The following AKAP17A variants were observed in gnomAD, a reference collection of about 807,000 sequenced individuals.
The protein encoded by AKAP17A is A-kinase anchor protein 17A.
In AKAP17A, 15 loss-of-function variants were observed where a neutral mutation model predicts 52.2. The observed-to-expected ratio is 0.29, with a 90% CI of 0.19 to 0.44. The LOEUF is 0.44. AKAP17A is among the 20% of genes least tolerant of loss of function. The probability of loss-of-function intolerance (pLI) is 1.00; values close to 1 mark genes in which losing one functional copy is unlikely to be tolerated. For missense variants in AKAP17A, 1,060 were observed against 1,007.0 expected, an observed-to-expected ratio of 1.05 and a Z score of -0.71; for synonymous variants, 514 against 424.7, an observed-to-expected ratio of 1.21 and a Z score of -2.58.
Position 1,600,908 on chromosome X carries a change from C to A in AKAP17A, c.1402C>A (p.Leu468Met). Reference protein sequence around the residue: ...VAHADLLQPVLDILQTVSSGC... With the variant: ...VAHADLLQPVMDILQTVSSGC... ...ACACGCCGACCTGCTGCAGCCCGTC[C>A]TGGACATCCTGCAGACCGTGTCGTC... is the stretch of plus-strand genomic sequence containing the variant. The change falls in exon 5 of 5, where the codon CTG (leucine) becomes ATG (methionine). Residue 468 changes from leucine (L) to methionine (M), a missense_variant. Leu to Met is a conservative substitution (Grantham distance 15). Around this residue, in one of 2 missense-constraint regions of AKAP17A, gnomAD observed 793 missense variants for 629.9 expected, o/e 1.26. Transcript: ENST00000313871. 3.2e-6 allele frequency: 5 copies of A among 1,576,146 alleles called. No homozygotes were observed. Among genetic ancestry groups the A allele is most frequent in the Non-Finnish European group, 4.3e-6 (5 of 1,164,794 alleles).
rs746413709 is a variant in AKAP17A, at chrX:1,599,252, G to C, written c.972G>C (p.Lys324Asn). Residue 324 changes from lysine (K) to asparagine (N), a missense_variant, in exon 4 of 5, where the codon AAG (lysine) becomes AAC (asparagine). Coordinates refer to ENST00000313871, the MANE Select transcript of AKAP17A (RefSeq NM_005088.3). The part of the protein sequence containing the change: ...RERKREEKLR[K>N]REQKQRDREL... ...GGAAAAGAGAAGAGAAGCTTCGCAAGAGGGAGCAGAAGCAGAGGGACCGTG... is the reference window on the plus strand; with the variant it reads ...GGAAAAGAGAAGAGAAGCTTCGCAACAGGGAGCAGAAGCAGAGGGACCGTG... 1.9e-6 allele frequency: 3 copies of C among 1,612,762 alleles called. No individual in the cohort carries two copies. The highest frequency in any genetic ancestry group is 2.0e-4 in the Middle Eastern group (1 of 5,090).
At chrX:1,597,305 G>A (rs745497187) in intron 3 of AKAP17A, among the ~76,000 whole-genome samples, 1 of 152,322 alleles carries the variant, frequency 6.6e-6, no homozygotes, top group East Asian at 1.9e-4. Context: ...AGGTGAGGCA[G>A]GTGCAGTGTG....
intron 3 of AKAP17A, among the ~76,000 whole-genome samples, chrX:1,598,147 C>CTG (rs1256310297): frequency 1.3e-5 from 2 of 152,228 alleles, no homozygotes; most frequent in Non-Finnish European, 2.9e-5. Flanking sequence ...TAAGGGCGTG[C>CTG]TGTGTGCTGG....
At chrX:1,598,903 G>C (rs1188399958) in intron 3 of AKAP17A, among the ~76,000 whole-genome samples, 9 of 152,182 alleles carry the variant, frequency 5.9e-5, no homozygotes, top group Non-Finnish European at 1.3e-4. Context: ...CCCTGACTGG[G>C]GGCGTGGCTT....
chrX:1,599,384 G>C lies in AKAP17A; in HGVS notation c.1104G>C (p.Arg368Ser). ...AGCGCAAGCTGCTGCTGGCCCAGAG[G>C]AACCTGCAGTCCATCCGGCTCATCG... ...LEERKLLLAQ[R>S]NLQSIRLIAE... Residue 368 changes from arginine (R) to serine (S), a missense_variant, in exon 4 of 5, where the codon AGG becomes AGC. Arg to Ser is a moderately radical substitution (Grantham distance 110, BLOSUM62 -1). Around this residue, in one of 2 missense-constraint regions of AKAP17A, gnomAD observed 793 missense variants for 629.9 expected, o/e 1.26. Coordinates refer to ENST00000313871, the MANE Select transcript of AKAP17A (RefSeq NM_005088.3). The C allele has an allele frequency of 2.5e-6, 4 of 1,580,798 alleles. No individual in the cohort carries two copies. The highest frequency in any genetic ancestry group is 3.4e-6 in the Non-Finnish European group (4 of 1,164,658).
At chrX:1,599,949 T>TC (rs1933264538) in intron 4 of AKAP17A, 1 of 481,096 alleles carries the variant, frequency 2.1e-6, no homozygotes, top group African/African-American at 2.0e-5. Flanking sequence ...GACGACCCCC[T>TC]CAGCACCAAG....
In AKAP17A at chrX:1,600,985, C is replaced by T. The variant is rs761681766; in HGVS notation, c.1479C>T (p.Ala493=). The T allele has an allele frequency of 4.5e-5, 72 of 1,598,702 alleles. No individual in the cohort carries two copies. Among genetic ancestry groups the T allele is most frequent in the Middle Eastern group, 2.1e-4 (1 of 4,854 alleles). ...ACCCCCTCGGGGGCCAGCCCCCGGC[C>T]GGTGCCCCCAAGGAGAGCCCGGCCC... ...TLHPLGGQPP[A]GAPKESPAHP... is the part of the protein sequence containing the mutation. The change falls in exon 5 of 5, where the codon GCC becomes GCT. Residue 493 remains alanine, a synonymous_variant. Coordinates refer to ENST00000313871, the MANE Select transcript of AKAP17A (RefSeq NM_005088.3).
At chrX:1,594,521 C>G (rs368322131) in intron 2 of AKAP17A, among the ~76,000 whole-genome samples, 30 of 152,294 alleles carry the variant, frequency 2.0e-4, no homozygotes, top group African/African-American at 6.5e-4. Context: ...TGAACCGTGT[C>G]AGAACCAAGA....
At position 1,601,706 on chromosome X, in the gene AKAP17A, G is replaced by T; in HGVS notation, c.*112G>T. 5 of 1,071,300 alleles carry T rather than the reference G, an allele frequency of 4.7e-6. No individual in the cohort carries two copies. The highest frequency in any genetic ancestry group is 4.9e-6 in the Non-Finnish European group (4 of 817,362). The allele number at this position is 1,071,300 out of a possible 1,614,324, so 66.4% of individuals were successfully genotyped here. Reference sequence around the variant, plus strand: ...ACCCCTGCAAAGCCAAGACCCTTCTGCAGCCACGAATGTCCACGGAGCCCG... The same window carrying T: ...ACCCCTGCAAAGCCAAGACCCTTCTTCAGCCACGAATGTCCACGGAGCCCG... On this transcript the variant is annotated 3_prime_UTR_variant, in exon 5 of 5. Transcript: ENST00000313871.
chrX:1,594,061 C>T lies in AKAP17A; in HGVS notation c.599C>T (p.Thr200Met), dbSNP rs762688186. The T allele has an allele frequency of 2.8e-5, 45 of 1,612,844 alleles. No individual in the cohort carries two copies. The highest frequency in any genetic ancestry group is 6.7e-5 in the Admixed American group (4 of 59,846). ...PMLDPYREEMTGRNFHTFSFG... is the reference protein window; with the variant it reads ...PMLDPYREEMMGRNFHTFSFG... ...CTGGACCCCTACCGGGAGGAGATGA[C>T]GGGCCGCAACTTCCACACCTTCAGT... is the stretch of plus-strand genomic sequence containing the variant. The change falls in exon 2 of 5, where the codon ACG becomes ATG. Residue 200 changes from threonine (T) to methionine (M), a missense_variant. Thr to Met is a moderately conservative substitution (Grantham distance 81). Around this residue, in one of 2 missense-constraint regions of AKAP17A, gnomAD observed 267 missense variants for 377.1 expected, o/e 0.71. Coordinates refer to ENST00000313871, the MANE Select transcript of AKAP17A (RefSeq NM_005088.3).
At chrX:1,598,742 G>C (rs1399790251) in intron 3 of AKAP17A, among the ~76,000 whole-genome samples, 56 of 152,302 alleles carry the variant, frequency 3.7e-4, no homozygotes, top group Non-Finnish European at 7.5e-4. Context: ...GTGCTGTGTG[G>C]TGCCCTCACA....
rs772465896 is a variant in AKAP17A at position 1,600,686 on chromosome X, A to G, written c.1180A>G (p.Lys394Glu). ...KAVKLREQEQ[K>E]EEKLRLQQQE... ...TGTGAAGCTACGGGAACAGGAGCAGAAGGAGGAGAAGCTGAGGCTCCAGCA... is the reference window on the plus strand; with the variant it reads ...TGTGAAGCTACGGGAACAGGAGCAGGAGGAGGAGAAGCTGAGGCTCCAGCA... The change falls in exon 5 of 5, where the codon AAG (lysine) becomes GAG (glutamate). Residue 394 changes from lysine (K) to glutamate (E), a missense_variant. By Grantham distance (56) the Lys-to-Glu change is moderately conservative (BLOSUM62 1). Coordinates refer to ENST00000313871, the MANE Select transcript of AKAP17A (RefSeq NM_005088.3). 14 of 1,544,452 alleles carry G rather than the reference A, an allele frequency of 9.1e-6. No individual in the cohort carries two copies. Among genetic ancestry groups the G allele is most frequent in the East Asian group, 2.4e-5 (1 of 40,944 alleles).
chrX:1,595,576 C>A lies in AKAP17A; in HGVS notation c.911+44C>A, dbSNP rs754655103. The A allele has an allele frequency of 4.3e-6, 7 of 1,611,912 alleles. No homozygotes were observed. The East Asian group carries it at 1.3e-4, about 31-fold the overall frequency. ...GGCCCTCGGCGCTGGTGTCCGGCACCTGGGAGTGTGCGCAGACCCGTGTGC... is the reference window on the plus strand; with the variant it reads ...GGCCCTCGGCGCTGGTGTCCGGCACATGGGAGTGTGCGCAGACCCGTGTGC... On this transcript the variant is annotated intron_variant, in intron 3 of 4. Transcript: ENST00000313871.
At chrX:1,599,136 G>C (rs1350239172) in intron 3 of AKAP17A, 56 bp from the exon 4 acceptor site, 2 of 1,592,662 alleles carry the variant, frequency 1.3e-6, no homozygotes, top group Non-Finnish European at 1.7e-6. Flanking sequence ...CTTGTATGGT[G>C]TGTGGTGTGT....
rs758127385 is a variant in AKAP17A at position 1,595,455 on chromosome X, T to G, written c.834T>G (p.Leu278=). 12 of 1,613,844 alleles carry G rather than the reference T, an allele frequency of 7.4e-6. No individual in the cohort carries two copies. In the Admixed American group the frequency reaches 1.8e-4, roughly 25 times the overall value. Residue 278 remains leucine (L), a synonymous_variant, in exon 3 of 5, where the codon CTT becomes CTG. Transcript: ENST00000313871. ...IKKRQLERQK[L]QELEQQREEQ... The stretch of plus-strand genomic sequence containing the variant: ...AGCGGCAGCTGGAGAGGCAGAAGCT[T>G]CAGGAACTGGAGCAGCAAAGAGAAG...
Position 1,600,340 on chromosome X carries a change from G to C in AKAP17A, c.1153-319G>C, listed in dbSNP as rs748202275. 1.0e-5 allele frequency: 7 copies of C among 689,706 alleles called. No individual in the cohort carries two copies. The South Asian group carries it at 1.0e-4, about 10-fold the overall frequency. The allele number at this position is 689,706 out of a possible 1,614,324, so 42.7% of individuals were successfully genotyped here. ...GTGACCTAACCGCAGGCGCCTGTGT[G>C]CAACGTGGTGGGGCTCCCGGCAGGG... is the stretch of plus-strand genomic sequence containing the variant. On this transcript the variant is annotated intron_variant, in intron 4 of 4. Transcript: ENST00000313871.
intron 3 of AKAP17A, among the ~76,000 whole-genome samples, chrX:1,596,383 C>T (rs1196849451): frequency 6.6e-6 from 1 of 152,042 alleles, no homozygotes; most frequent in East Asian, 1.9e-4. Context: ...CTTAGCATTG[C>T]AGGAGGGAAC....
chrX:1,600,520 C>T, intron 4 of AKAP17A, 139 bp from the exon 5 acceptor site: 3 of 904,568 alleles, frequency 3.3e-6, no homozygotes, highest in Middle Eastern at 6.9e-4. Context: ...ACGCCCCCCA[C>T]CCCTGGGCTG....
At chrX:1,595,906 G>GTGT (rs1361931853) in intron 3 of AKAP17A, among the ~76,000 whole-genome samples, 2 of 152,126 alleles carry the variant, frequency 1.3e-5, no homozygotes, top group East Asian at 3.9e-4. Context: ...GAACCCGTGT[G>GTGT]TGTACTTGTG....
Sources: allele counts gnomAD v4.1 joint callset (sites outside exome capture counted in the v4.1 genomes callset), GRCh38; gene constraint gnomAD v4.1.1; regional missense constraint gnomAD v4.1.1; transcripts MANE v1.5; gene names NCBI Gene and HGNC (gene_info 2026-07-23, HGNC 2026-07-21).